UPRT: variants seen among roughly 807,000 people sequenced by gnomAD.
UPRT encodes the protein uracil phosphoribosyltransferase homolog, also known as RP11-311P8.3.
In UPRT, 5 loss-of-function variants were observed where a neutral mutation model predicts 22.6. The observed-to-expected ratio is 0.22, with a 90% CI of 0.12 to 0.47. UPRT has a LOEUF of 0.47. Among genes scored for constraint, UPRT ranks in the 20% least tolerant of loss-of-function variants. The pLI, the probability that UPRT is intolerant of heterozygous loss-of-function variation, is 0.99. For synonymous variants in UPRT, 77 were observed against 87.7 expected (o/e 0.88, Z 0.68); for missense variants, 181 against 239.9 (o/e 0.75, Z 1.62).
intron 4 of UPRT, among the ~76,000 whole-genome samples, chrX:75,232,365 G>C (rs965267634): frequency 1.2e-4 from 14 of 112,528 alleles, no homozygotes; most frequent in Non-Finnish European, 2.4e-4. Flanking sequence ...GCTGGGGGAG[G>C]GGCGCCTGCC....
At chrX:75,232,890 C>T (rs1352188728) in intron 4 of UPRT, among the ~76,000 whole-genome samples, 1 of 112,188 alleles carries the variant, frequency 8.9e-6, no homozygotes, top group Non-Finnish European at 1.9e-5. Context: ...TCTCCTCCTC[C>T]AAAGGAACGC....
intron 6 of UPRT, 82 bp from the exon 7 acceptor site, chrX:75,303,312 AATTTTAGACCT>A: frequency 1.7e-6 from 1 of 603,992 alleles, no homozygotes; most frequent in East Asian, 3.5e-5. Context: ...GTCTTCTCTC[AATTTTAGACCT>A]AGTGGCAATA....
chrX:75,298,125 C>T (rs1242668117), intron 4 of UPRT, among the ~76,000 whole-genome samples: 2 of 107,998 alleles, frequency 1.9e-5, no homozygotes, highest in African/African-American at 6.8e-5. Context: ...ACTACAGGCA[C>T]ATGCCACTAT....
chrX:75,249,947 C>T (rs1363088449), intron 4 of UPRT, among the ~76,000 whole-genome samples: 1 of 111,828 alleles, frequency 8.9e-6, no homozygotes, highest in African/African-American at 3.3e-5. Context: ...GAACAACCTC[C>T]TCCTGAATGA....
chrX:75,182,795 G>A (rs986230396), intron 4 of UPRT, among the ~76,000 whole-genome samples: 1 of 110,444 alleles, frequency 9.1e-6, no homozygotes, highest in African/African-American at 3.3e-5. Context: ...CAAATAACAA[G>A]CTCCTGGATT....
intron 4 of UPRT, among the ~76,000 whole-genome samples, chrX:75,238,492 C>G (rs1001801715): frequency 8.1e-5 from 9 of 111,557 alleles, no homozygotes; most frequent in Non-Finnish European, 1.3e-4. Flanking sequence ...ATATTTACTA[C>G]CAGACCTAAG....
chrX:75,234,930 T>C (rs1479387472), intron 4 of UPRT, among the ~76,000 whole-genome samples: 1 of 110,948 alleles, frequency 9.0e-6, no homozygotes, highest in Non-Finnish European at 1.9e-5. Context: ...AAGAAATAAC[T>C]AAGATCAGAG....
At chrX:75,240,746 A>T (rs1483714751) in intron 4 of UPRT, among the ~76,000 whole-genome samples, 1 of 112,037 alleles carries the variant, frequency 8.9e-6, no homozygotes, top group African/African-American at 3.2e-5. Flanking sequence ...AGACTAATGC[A>T]GCATAATAGG....
chrX:75,237,993 C>T (rs754859021), intron 4 of UPRT, among the ~76,000 whole-genome samples: 3 of 111,000 alleles, frequency 2.7e-5, no homozygotes, highest in Admixed American at 9.6e-5. Context: ...GATCTTGAAA[C>T]GAAACCTTGA....
At chrX:75,177,030 G>C (rs1009968586) in intron 4 of UPRT, among the ~76,000 whole-genome samples, 1 of 111,310 alleles carries the variant, frequency 9.0e-6, no homozygotes, top group Non-Finnish European at 1.9e-5. Context: ...GTTGATGCCT[G>C]AGTGTTTCCC....
At chrX:75,195,589 G>T (rs753906098) in intron 4 of UPRT, among the ~76,000 whole-genome samples, 5 of 112,132 alleles carry the variant, frequency 4.5e-5, no homozygotes, top group Non-Finnish European at 9.4e-5. Flanking sequence ...CATGAAGGTC[G>T]TGGGGTCTCC....
chrX:75,301,753 G>T (rs906655167), intron 6 of UPRT, among the ~76,000 whole-genome samples: 1 of 111,538 alleles, frequency 9.0e-6, no homozygotes, highest in Non-Finnish European at 1.9e-5. Context: ...ATAGGGTAAA[G>T]TGTTACCACC....
chrX:75,238,442 A>G (rs1402806286), intron 4 of UPRT, among the ~76,000 whole-genome samples: 1 of 111,784 alleles, frequency 8.9e-6, no homozygotes, highest in Admixed American at 9.6e-5. Context: ...ACAATCATAA[A>G]TACATATGCA....
At chrX:75,266,105 G>A (rs889966401) in intron 4 of UPRT, among the ~76,000 whole-genome samples, 54 of 110,763 alleles carry the variant, frequency 4.9e-4, no homozygotes, top group Non-Finnish European at 9.5e-5. Context: ...AGTTCATATG[G>A]AACCAAAAAA....
At chrX:75,251,924 T>G (rs1438091334) in intron 4 of UPRT, among the ~76,000 whole-genome samples, 1 of 111,229 alleles carries the variant, frequency 9.0e-6, no homozygotes, top group African/African-American at 3.3e-5. Flanking sequence ...TACAACTATC[T>G]GATCTTTGAC....
At chrX:75,250,710 A>C (rs1258401802) in intron 4 of UPRT, among the ~76,000 whole-genome samples, 1 of 111,617 alleles carries the variant, frequency 9.0e-6, no homozygotes, top group African/African-American at 3.3e-5. Context: ...AACTCATTTT[A>C]TGAGGCCAGC....
intron 1 of UPRT, among the ~76,000 whole-genome samples, chrX:75,158,384 A>G (rs555254732): frequency 2.8e-3 from 319 of 112,572 alleles, no homozygotes; most frequent in African/African-American, 9.3e-3. Context: ...CACTTTATGT[A>G]TGCAATAATT....
At chrX:75,162,708 C>T (rs1239432687) in intron 2 of UPRT, among the ~76,000 whole-genome samples, 3 of 111,294 alleles carry the variant, frequency 2.7e-5, no homozygotes, top group African/African-American at 6.5e-5. Context: ...CTTACTAACC[C>T]GAATCATTAT....
chrX:75,301,902 A>G (rs1478668624), intron 6 of UPRT, among the ~76,000 whole-genome samples: 3 of 112,209 alleles, frequency 2.7e-5, no homozygotes, highest in African/African-American at 9.7e-5. Context: ...TTTGGTTTCA[A>G]AATGCATACA....
Sources: gnomAD v4.1 joint callset for allele counts (sites outside exome capture counted in the v4.1 genomes callset) on GRCh38, gnomAD v4.1.1 for gene constraint, MANE v1.5 for transcripts, NCBI Gene and HGNC (gene_info 2026-07-23, HGNC 2026-07-21) for gene names.